PRKCH: variants seen among roughly 807,000 people sequenced by gnomAD.
The protein encoded by PRKCH is protein kinase C eta.
PRKCH carries 28 observed loss-of-function variants against 82.5 expected under a neutral mutation model. That is an observed-to-expected ratio of 0.34 (90% CI 0.25 to 0.47). The LOEUF is 0.47. PRKCH is among the 20% of genes least tolerant of loss of function. PRKCH has a pLI of 1.00. For synonymous variants in PRKCH, 322 were observed against 327.4 expected, an observed-to-expected ratio of 0.98 and a Z score of 0.18; for missense variants, 705 against 881.8, an observed-to-expected ratio of 0.80 and a Z score of 2.54.
intron 12 of PRKCH, among the ~76,000 whole-genome samples, chr14:61,543,005 C>G (rs988127525): frequency 6.6e-6 from 1 of 152,196 alleles, no homozygotes; most frequent in Non-Finnish European, 1.5e-5. Flanking sequence ...GTTGAGAAAT[C>G]TAAGGCTCAG....
chr14:61,369,691 G>C (rs945156564), intron 1 of PRKCH, among the ~76,000 whole-genome samples: 1 of 151,856 alleles, frequency 6.6e-6, no homozygotes, highest in Admixed American at 6.6e-5. Context: ...TTTGTCTTTC[G>C]AATCAACTCT....
At chr14:61,466,964 G>A (rs775134219) in intron 9 of PRKCH, among the ~76,000 whole-genome samples, 10 of 152,156 alleles carry the variant, frequency 6.6e-5, no homozygotes, top group Non-Finnish European at 1.2e-4. Context: ...AAATGCCATC[G>A]CTGCATACAT....
intron 10 of PRKCH, among the ~76,000 whole-genome samples, chr14:61,521,361 G>A (rs1377837338): frequency 6.6e-6 from 1 of 151,894 alleles, no homozygotes; most frequent in Non-Finnish European, 1.5e-5. Context: ...TATTTATTTA[G>A]CCATTCCACG....
intron 2 of PRKCH, among the ~76,000 whole-genome samples, chr14:61,409,259 C>G (rs1480762557): frequency 1.3e-5 from 2 of 152,160 alleles, no homozygotes; most frequent in African/African-American, 4.8e-5. Flanking sequence ...GAACATGGAT[C>G]AGGAGTTCTA....
chr14:61,411,202 C>T (rs959779636), intron 2 of PRKCH, among the ~76,000 whole-genome samples: 1 of 152,212 alleles, frequency 6.6e-6, no homozygotes, highest in South Asian at 2.1e-4. Context: ...ATCCTTTACA[C>T]GTCTCTTTGG....
At chr14:61,428,143 C>T (rs4899046) in intron 2 of PRKCH, among the ~76,000 whole-genome samples, 146,761 of 149,608 alleles carry the variant, frequency 0.98, 72,050 homozygotes, top group Non-Finnish European at 1. Context: ...GTATCTCACA[C>T]GATGCTATAC....
At chr14:61,413,054 A>T (rs1882350998) in intron 2 of PRKCH, among the ~76,000 whole-genome samples, 1 of 152,110 alleles carries the variant, frequency 6.6e-6, no homozygotes, top group African/African-American at 2.4e-5. Context: ...AGAAAAAAAA[A>T]ATTCTTCACC....
At chr14:61,547,119 G>T (rs895776104) in intron 12 of PRKCH, among the ~76,000 whole-genome samples, 4 of 152,162 alleles carry the variant, frequency 2.6e-5, no homozygotes, top group Admixed American at 6.5e-5. Context: ...CAGCAGTGGT[G>T]GGGGGAACAT....
In PRKCH at chr14:61,364,327, G is replaced by T. The variant is rs770879363; in HGVS notation, c.364-26898G>T. Among the ~76,000 whole-genome samples, 51 of 152,062 alleles carry T rather than the reference G, an allele frequency of 3.4e-4. 1 individual carries two copies. The highest frequency in any genetic ancestry group is 3.3e-4 in the Admixed American group (5 of 15,278). The stretch of plus-strand genomic sequence containing the variant: ...AGTCACTGAAGGAAATGGGAGATGA[G>T]ATGATTGAGGAAAAGTAAAAGAAGT... On this transcript the variant is annotated intron_variant, in intron 1 of 13. Coordinates refer to ENST00000332981, the MANE Select transcript of PRKCH (RefSeq NM_006255.5).
chr14:61,222,837 T>C (rs1332035315), intron 1 of PRKCH, among the ~76,000 whole-genome samples: 1 of 152,248 alleles, frequency 6.6e-6, no homozygotes, highest in African/African-American at 2.4e-5. Context: ...CATGAACTCA[T>C]GAAATTTGAA....
At chr14:61,219,895 G>C (rs530467811) in intron 1 of PRKCH, among the ~76,000 whole-genome samples, 1 of 152,328 alleles carries the variant, frequency 6.6e-6, no homozygotes, top group South Asian at 2.1e-4. Context: ...AAAGGAGTCA[G>C]AAGGCTCAAG....
chr14:61,541,017 C>T (rs1020026392), intron 12 of PRKCH, among the ~76,000 whole-genome samples: 2 of 152,258 alleles, frequency 1.3e-5, no homozygotes, highest in African/African-American at 4.8e-5. Context: ...CCCCATCTTG[C>T]ATTTAAATGT....
chr14:61,539,975 C>T (rs1088674), intron 12 of PRKCH, among the ~76,000 whole-genome samples: 2 of 152,128 alleles, frequency 1.3e-5, no homozygotes, highest in African/African-American at 4.8e-5. Flanking sequence ...CTGCCTTTAA[C>T]TTCCACTCCC....
At chr14:61,322,975 A>G (rs1281230396) in intron 1 of PRKCH, among the ~76,000 whole-genome samples, 1 of 151,886 alleles carries the variant, frequency 6.6e-6, no homozygotes, top group Non-Finnish European at 1.5e-5. Flanking sequence ...CCAGAGGTAC[A>G]TGAGCTACAC....
At chr14:61,239,317 G>T (rs186331366) in intron 1 of PRKCH, among the ~76,000 whole-genome samples, 4 of 152,160 alleles carry the variant, frequency 2.6e-5, no homozygotes, top group Admixed American at 6.5e-5. Context: ...CCCCGAGAGC[G>T]GGCCAACAAA....
At chr14:61,235,922 G>A (rs1047074490) in intron 1 of PRKCH, among the ~76,000 whole-genome samples, 3 of 152,158 alleles carry the variant, frequency 2.0e-5, no homozygotes, top group East Asian at 3.9e-4. Context: ...CAGCTGAATG[G>A]ACCCTTCCTC....
intron 2 of PRKCH, among the ~76,000 whole-genome samples, chr14:61,405,392 T>G (rs1318835054): frequency 6.6e-6 from 1 of 152,154 alleles, no homozygotes; most frequent in Non-Finnish European, 1.5e-5. Flanking sequence ...TTTTTTTTTT[T>G]TTGAGACGGA....
chr14:61,308,776 T>TAATATCCGGAG (rs1399647901), intron 1 of PRKCH, among the ~76,000 whole-genome samples: 1 of 152,024 alleles, frequency 6.6e-6, no homozygotes, highest in African/African-American at 2.4e-5. Context: ...CTACAGGCAT[T>TAATATCCGGAG]TGCCACCACA....
At chr14:61,445,845 A>C in intron 4 of PRKCH, 119 bp downstream of exon 4, 1 of 1,060,396 alleles carries the variant, frequency 9.4e-7, no homozygotes, top group Non-Finnish European at 1.4e-6. Flanking sequence ...TCTGTAGGTC[A>C]AAGGAAACCC....
Sources: gnomAD v4.1 joint callset for allele counts (sites outside exome capture counted in the v4.1 genomes callset) on GRCh38, gnomAD v4.1.1 for gene constraint, MANE v1.5 for transcripts, NCBI Gene and HGNC (gene_info 2026-07-23, HGNC 2026-07-21) for gene names.